CPS1: variants seen among roughly 807,000 people sequenced by gnomAD.
CPS1 encodes carbamoyl-phosphate synthase 1.
In CPS1, 109 loss-of-function variants were observed where a neutral mutation model predicts 174.6. The observed-to-expected ratio is 0.62, with a 90% CI of 0.53 to 0.73. CPS1 has a LOEUF of 0.73. Ranked by LOEUF, CPS1 falls within the 30% of genes least tolerant of loss-of-function variation. The pLI is 0.00. For missense variants in CPS1, 1,689 were observed against 1,821.9 expected (o/e 0.93, Z 1.33); for synonymous variants, 637 against 632.0 (o/e 1.01, Z -0.12).
chr2:210,506,801 A>G (rs940636592), intron 1 of CPS1, among the ~76,000 whole-genome samples: 26 of 152,318 alleles, frequency 1.7e-4, no homozygotes, highest in African/African-American at 6.3e-4. Flanking sequence ...AACGAATGAA[A>G]TGAAGTGAGA....
At chr2:210,529,381 C>G (rs1696059435) in intron 1 of CPS1, among the ~76,000 whole-genome samples, 1 of 152,036 alleles carries the variant, frequency 6.6e-6, no homozygotes, top group South Asian at 2.1e-4. Context: ...CAGAATAAAC[C>G]TATTTTAGAG....
intron 1 of CPS1, among the ~76,000 whole-genome samples, chr2:210,505,605 G>A (rs1695256886): frequency 6.6e-6 from 1 of 152,162 alleles, no homozygotes; most frequent in Non-Finnish European, 1.5e-5. Flanking sequence ...CCTCACCCGG[G>A]AAGCACAAGG....
In CPS1 at chr2:210,576,472, G is replaced by A; in HGVS notation, c.363G>A (p.Leu121=). The part of the protein sequence containing the change: ...ALDELGLSKY[L]ESNGIKVSGL... ...ATGAACTGGGACTTAGCAAATATTT[G>A]GAGTCTAATGGAATCAAGGTAGTAC... Residue 121 remains leucine (L), a synonymous_variant, in exon 3 of 38, where the codon TTG becomes TTA. Transcript: ENST00000233072. The A allele has an allele frequency of 6.2e-7, 1 of 1,613,480 alleles. No homozygotes were observed. Among genetic ancestry groups the A allele is most frequent in the Non-Finnish European group, 8.5e-7 (1 of 1,179,564 alleles).
chr2:210,647,995 T>C lies in CPS1; in HGVS notation c.3274T>C (p.Phe1092Leu). Residue 1092 changes from phenylalanine to leucine, a missense_variant, in exon 26 of 38, where the codon TTC (phenylalanine) becomes CTC (leucine). Coordinates refer to ENST00000233072, the MANE Select transcript of CPS1 (RefSeq NM_001875.5). ...CGACAGGGCTGAGGATCGCTCCATC[T>C]TCTCAGCTGTCTTGGATGAGCTGAA... ...QIDRAEDRSI[F>L]SAVLDELKVA... 6.2e-7 allele frequency: 1 copy of C among 1,614,066 alleles called. No individual in the cohort carries two copies. The highest frequency in any genetic ancestry group is 8.5e-7 in the Non-Finnish European group (1 of 1,179,946).
intron 21 of CPS1, among the ~76,000 whole-genome samples, chr2:210,629,766 A>G (rs1046642496): frequency 8.7e-5 from 13 of 150,054 alleles, no homozygotes; most frequent in African/African-American, 2.9e-4. Flanking sequence ...ATTAAGAACC[A>G]TGGGCCGGGC....
intron 1 of CPS1, among the ~76,000 whole-genome samples, chr2:210,504,157 G>A (rs1337156684): frequency 2.6e-5 from 4 of 152,054 alleles, no homozygotes; most frequent in African/African-American, 9.7e-5. Context: ...GACATATACT[G>A]ATGGGTCACT....
intron 26 of CPS1, 24 bp downstream of exon 26, chr2:210,648,081 TTTCTA>T (rs749114139): frequency 6.2e-7 from 1 of 1,609,954 alleles, no homozygotes; most frequent in East Asian, 2.2e-5. Flanking sequence ...CAAGTATCTG[TTTCTA>T]ATGTTCTATT....
chr2:210,497,117 A>G (rs901490550), intron 1 of CPS1, among the ~76,000 whole-genome samples: 7 of 152,118 alleles, frequency 4.6e-5, no homozygotes, highest in Middle Eastern at 3.2e-3. Flanking sequence ...ACTCTTCCAG[A>G]TTTCATCTTA....
Position 210,507,731 on chromosome 2 carries a change from G to C in CPS1, c.3+29965G>C, listed in dbSNP as rs567830847. Among the ~76,000 whole-genome samples the C allele has an allele frequency of 4.6e-5, 7 of 152,110 alleles. No individual in the cohort carries two copies. In the South Asian group the frequency reaches 1.5e-3, roughly 32 times the overall value. On this transcript the variant is annotated intron_variant, in intron 1 of 38. Transcript: ENST00000430249. ...AAAAAAGGCAGGGGTTGCAATCCTA[G>C]TCTCTGATAAAACAGACTTTAAACC...
chr2:210,494,732 G>C (rs1694950706), intron 1 of CPS1, among the ~76,000 whole-genome samples: 1 of 152,150 alleles, frequency 6.6e-6, no homozygotes, highest in Admixed American at 6.5e-5. Context: ...TCTCCTTTTT[G>C]TAGTGAGCTC....
At chr2:210,604,981 TG>T in intron 16 of CPS1, 120 bp from the exon 17 acceptor site, 1 of 1,046,210 alleles carries the variant, frequency 9.6e-7, no homozygotes. Context: ...CAGGGGAGAA[TG>T]GAGACGGGGT....
At chr2:210,662,764 A>C (rs1436962017) in intron 32 of CPS1, among the ~76,000 whole-genome samples, 1 of 152,370 alleles carries the variant, frequency 6.6e-6, no homozygotes, top group African/African-American at 2.4e-5. Flanking sequence ...AGAGAAAAAA[A>C]TGTGTTTGAA....
chr2:210,592,576 A>G (rs140514291), intron 10 of CPS1, among the ~76,000 whole-genome samples: 10 of 152,064 alleles, frequency 6.6e-5, no homozygotes, highest in Non-Finnish European at 1.0e-4. Context: ...TTTACTCTGA[A>G]CAGAACCCAG....
intron 21 of CPS1, among the ~76,000 whole-genome samples, chr2:210,637,105 G>C (rs994200233): frequency 6.6e-5 from 10 of 152,122 alleles, no homozygotes; most frequent in African/African-American, 2.4e-4. Context: ...CCATGGATTT[G>C]GGAATTGTCA....
rs760971988 is a variant in CPS1 at position 210,616,436 on chromosome 2, A to T, written c.2582A>T (p.Asn861Ile). Reference sequence around the variant, plus strand: ...TCCTCTTGGCAGGCCATTGATGACAACATGTCCCTTGATGAGATTGAGAAG... The same window carrying T: ...TCCTCTTGGCAGGCCATTGATGACATCATGTCCCTTGATGAGATTGAGAAG... The part of the protein sequence containing the change: ...IYAIAKAIDD[N>I]MSLDEIEKLT... Residue 861 changes from asparagine to isoleucine, a missense_variant, in exon 21 of 38, where the codon AAC becomes ATC. Transcript: ENST00000233072. The T allele has an allele frequency of 6.2e-7, 1 of 1,610,786 alleles. No individual in the cohort carries two copies. The highest frequency in any genetic ancestry group is 1.1e-5 in the South Asian group (1 of 91,018).
chr2:210,556,552 G>T, upstream of CPS1: 6 of 1,481,928 alleles, frequency 4.0e-6, no homozygotes, highest in Non-Finnish European at 4.5e-6. Context: ...TTAAGAGAAG[G>T]AGGAGCTGTG....
intron 21 of CPS1, among the ~76,000 whole-genome samples, chr2:210,629,460 G>A (rs1364128405): frequency 2.6e-5 from 4 of 151,964 alleles, no homozygotes; most frequent in African/African-American, 7.2e-5. Flanking sequence ...GACTACAGGC[G>A]CCTGCCACCA....
chr2:210,601,279 A>G (rs1015671058), intron 15 of CPS1, among the ~76,000 whole-genome samples: 8 of 151,882 alleles, frequency 5.3e-5, no homozygotes, highest in Non-Finnish European at 1.2e-4. Flanking sequence ...AACTCACTTT[A>G]TATCTGTTTT....
chr2:210,518,426 G>T (rs1279606246), intron 1 of CPS1, among the ~76,000 whole-genome samples: 2 of 152,032 alleles, frequency 1.3e-5, no homozygotes, highest in Non-Finnish European at 2.9e-5. Flanking sequence ...CTTGTAGATA[G>T]ATGTGGCCAT....
Sources: allele counts gnomAD v4.1 joint callset (sites outside exome capture counted in the v4.1 genomes callset), GRCh38; gene constraint gnomAD v4.1.1; transcripts MANE v1.5; gene names NCBI Gene and HGNC (gene_info 2026-07-23, HGNC 2026-07-21).